The following FBLN2 variants were observed in gnomAD, a reference collection of about 807,000 sequenced individuals.
FBLN2 encodes fibulin 2.
FBLN2 carries 81 observed loss-of-function variants against 123.7 expected under a neutral mutation model. The observed-to-expected ratio is 0.65, with a 90% CI of 0.55 to 0.79. FBLN2 has a LOEUF of 0.79. FBLN2 is among the 30% of genes least tolerant of loss of function. The probability of loss-of-function intolerance (pLI) is 0.00; values close to 1 mark genes in which losing one functional copy is unlikely to be tolerated. For synonymous variants in FBLN2, 699 were observed against 701.4 expected (o/e 1.00, Z 0.05); for missense variants, 1,603 against 1,681.3 (o/e 0.95, Z 0.81).
Position 13,636,425 on chromosome 3 carries a change from T to C in FBLN2, c.3215-20T>C. On this transcript the variant is annotated intron_variant, in intron 16 of 17. Transcript: ENST00000404922. ...TCCCCCAGCTGTGGGGACCCTGCCA[T>C]TGCCCCTCTTCTCCCCCAGACGTGG... 1.2e-6 allele frequency: 2 copies of C among 1,612,612 alleles called. No individual in the cohort carries two copies. The highest frequency in any genetic ancestry group is 1.7e-6 in the Non-Finnish European group (2 of 1,179,198).
At chr3:13,551,258 C>T (rs1305960557) in intron 1 of FBLN2, among the ~76,000 whole-genome samples, 1 of 152,178 alleles carries the variant, frequency 6.6e-6, no homozygotes, top group Non-Finnish European at 1.5e-5. Context: ...AGGCCTTAGT[C>T]GTTGAAGCAA....
intron 1 of FBLN2, among the ~76,000 whole-genome samples, chr3:13,559,928 G>A (rs575309045): frequency 2.6e-5 from 4 of 152,164 alleles, no homozygotes; most frequent in Middle Eastern, 3.2e-3. Flanking sequence ...TTCTAGGGTC[G>A]GGTGGAGGGT....
At position 13,619,777 on chromosome 3, in the gene FBLN2, A is replaced by G. The variant is rs1180885347; in HGVS notation, c.2101A>G (p.Ile701Val). ...GTGCAGCACTGTTGGGGGCTCAGCC[A>G]TATGCTCCTGTTTTCCCGGCTATGC... The part of the protein sequence containing the change: ...QVCSTVGGSA[I>V]CSCFPGYAIM... Residue 701 changes from isoleucine to valine, a missense_variant, in exon 8 of 18, where the codon ATA becomes GTA. Transcript: ENST00000404922. 12 of 1,613,072 alleles carry G rather than the reference A, an allele frequency of 7.4e-6. No individual in the cohort carries two copies. Among genetic ancestry groups the G allele is most frequent in the Non-Finnish European group, 1.0e-5 (12 of 1,179,516 alleles).
chr3:13,609,331 G>T (rs17038335), intron 3 of FBLN2, among the ~76,000 whole-genome samples, 182 bp from the exon 4 acceptor site: 11,117 of 152,296 alleles, frequency 0.073, 1,333 homozygotes, highest in African/African-American at 0.25. Flanking sequence ...GCCTGCATCT[G>T]CATGGTTAAG....
At chr3:13,572,532 A>G (rs1415116535) in intron 2 of FBLN2, among the ~76,000 whole-genome samples, 1 of 152,030 alleles carries the variant, frequency 6.6e-6, no homozygotes, top group Admixed American at 6.5e-5. Flanking sequence ...AGTTCAATAC[A>G]CTCCATCGGG....
chr3:13,613,073 C>T (rs190744595), intron 4 of FBLN2, among the ~76,000 whole-genome samples: 18 of 152,196 alleles, frequency 1.2e-4, no homozygotes, highest in African/African-American at 3.9e-4. Flanking sequence ...TTTCTGCTCC[C>T]TGCAGTGTCT....
At chr3:13,608,720 G>A (rs1240622790) in intron 3 of FBLN2, among the ~76,000 whole-genome samples, 5 of 152,102 alleles carry the variant, frequency 3.3e-5, no homozygotes, top group Non-Finnish European at 5.9e-5. Flanking sequence ...AGCTGCTCAT[G>A]CTTTGTTTTT....
intron 5 of FBLN2, among the ~76,000 whole-genome samples, chr3:13,615,836 T>C (rs1705580038): frequency 6.6e-6 from 1 of 152,204 alleles, no homozygotes; most frequent in Admixed American, 6.5e-5. Flanking sequence ...TGCCCCAGCC[T>C]TCCTGATGCC....
chr3:13,596,926 GTTTATTTA>G (rs113512547), intron 2 of FBLN2, among the ~76,000 whole-genome samples: 2 of 150,984 alleles, frequency 1.3e-5, no homozygotes, highest in Admixed American at 6.6e-5. Flanking sequence ...AAATAAATTT[GTTTATTTA>G]TTTATTTATT....
intron 16 of FBLN2, among the ~76,000 whole-genome samples, chr3:13,632,826 G>A (rs1706302322): frequency 6.6e-6 from 1 of 151,804 alleles, no homozygotes. Context: ...TGGCTGCAAA[G>A]CCCTCTTCTT....
At chr3:13,575,513 T>A (rs1704108016) in intron 2 of FBLN2, among the ~76,000 whole-genome samples, 1 of 152,024 alleles carries the variant, frequency 6.6e-6, no homozygotes, top group South Asian at 2.1e-4. Context: ...TCAGACAAGA[T>A]AAGGGGGACT....
At chr3:13,627,488 T>C (rs1706087581) in intron 10 of FBLN2, among the ~76,000 whole-genome samples, 1 of 152,194 alleles carries the variant, frequency 6.6e-6, no homozygotes, top group Admixed American at 6.5e-5. Flanking sequence ...GGTCCAGTGC[T>C]CCCCAGCAGT....
At chr3:13,568,561 T>C (rs1703818606) in intron 1 of FBLN2, among the ~76,000 whole-genome samples, 1 of 152,208 alleles carries the variant, frequency 6.6e-6, no homozygotes, top group African/African-American at 2.4e-5. Context: ...TTACCACCCG[T>C]GTGCTGATGT....
At chr3:13,631,237 G>A (rs1706244760) in intron 15 of FBLN2, 92 bp from the exon 16 acceptor site, 16 of 1,482,072 alleles carry the variant, frequency 1.1e-5, no homozygotes, top group Non-Finnish European at 1.4e-5. Context: ...GGGCCCCTAA[G>A]CTCTATGGCT....
chr3:13,631,298 G>T, intron 15 of FBLN2, 31 bp from the exon 16 acceptor site: 2 of 1,592,606 alleles, frequency 1.3e-6, no homozygotes, highest in East Asian at 2.3e-5. Context: ...GGTGGACGAG[G>T]TTCACCAGGG....
intron 1 of FBLN2, among the ~76,000 whole-genome samples, chr3:13,550,333 C>T (rs1250467227): frequency 6.6e-6 from 1 of 152,244 alleles, no homozygotes; most frequent in Non-Finnish European, 1.5e-5. Context: ...CTCTCCCTTC[C>T]CCTGCTCCAG....
intron 2 of FBLN2, among the ~76,000 whole-genome samples, chr3:13,589,073 C>G (rs1027342371): frequency 2.0e-5 from 3 of 152,204 alleles, no homozygotes; most frequent in African/African-American, 7.2e-5. Context: ...ACAGTGCACA[C>G]TTTTAGTGCC....
Position 13,620,249 on chromosome 3 carries a change from T to C in FBLN2, c.2155+418T>C, listed in dbSNP as rs899398976. On this transcript the variant is annotated intron_variant, in intron 8 of 17. Transcript: ENST00000404922. The stretch of plus-strand genomic sequence containing the variant: ...AGAATTTGTGCTTCTAACAAGGTGA[T>C]ACGGATGCTGCTGGTCCGCGGACAC... Among the ~76,000 whole-genome samples the C allele has an allele frequency of 5.3e-5, 8 of 152,276 alleles. No individual in the cohort carries two copies. The South Asian group carries it at 6.2e-4, about 12-fold the overall frequency.
At chr3:13,549,622 C>T (rs1281030433) in intron 1 of FBLN2, among the ~76,000 whole-genome samples, 1 of 150,388 alleles carries the variant, frequency 6.6e-6, no homozygotes, top group Non-Finnish European at 1.5e-5. Context: ...TCCAGAGGGC[C>T]GGGTCAACCC....
Sources: gnomAD v4.1 joint callset for allele counts (sites outside exome capture counted in the v4.1 genomes callset) on GRCh38, gnomAD v4.1.1 for gene constraint, MANE v1.5 for transcripts, NCBI Gene and HGNC (gene_info 2026-07-23, HGNC 2026-07-21) for gene names.